TCTN1: variants seen among roughly 807,000 people sequenced by gnomAD.
TCTN1 encodes the protein tectonic family member 1.
A neutral mutation model predicts 65.8 loss-of-function variants in TCTN1; 58 were observed. The ratio of observed to expected loss-of-function variants is 0.88; its 90% confidence interval spans 0.71 to 1.10. TCTN1 has a LOEUF of 1.10. Among genes scored for constraint, TCTN1 ranks in the 50% least tolerant of loss-of-function variants. The probability of loss-of-function intolerance (pLI) is 0.00; values close to 1 mark genes in which losing one functional copy is unlikely to be tolerated. For missense variants in TCTN1, 645 were observed against 719.4 expected (o/e 0.90, Z 1.18); for synonymous variants, 273 against 289.1 (o/e 0.94, Z 0.57).
intron 2 of TCTN1, 43 bp downstream of exon 2, chr12:110,619,999 C>G (rs2065302255): frequency 2.5e-6 from 4 of 1,613,862 alleles, no homozygotes; most frequent in Non-Finnish European, 2.5e-6. Context: ...AAAATTTGAC[C>G]AGGATAATAC....
At chr12:110,645,299 C>T (rs774060273) in intron 12 of TCTN1, 170 bp downstream of exon 12, 232 of 807,114 alleles carry the variant, frequency 2.9e-4, no homozygotes, top group Non-Finnish European at 4.4e-4. Context: ...TTGCCTCTGG[C>T]CAGCAGTTTT....
intron 3 of TCTN1, chr12:110,627,743 C>A: frequency 2.2e-6 from 1 of 444,448 alleles, no homozygotes. Context: ...TGCATGAAAA[C>A]AGGATCTTTA....
intron 3 of TCTN1, 43 bp from the exon 4 acceptor site, chr12:110,628,724 A>G: frequency 6.7e-7 from 1 of 1,490,684 alleles, no homozygotes; most frequent in East Asian, 2.4e-5. Flanking sequence ...TATTATACAT[A>G]TATTTTATAC....
At chr12:110,621,541 C>T (rs1386041349) in intron 2 of TCTN1, among the ~76,000 whole-genome samples, 2 of 151,422 alleles carry the variant, frequency 1.3e-5, no homozygotes, top group Admixed American at 6.6e-5. Flanking sequence ...GCCTCCATCT[C>T]GGCTCACTGC....
intron 4 of TCTN1, chr12:110,629,212 A>G (rs2066059202): frequency 2.0e-6 from 1 of 490,784 alleles, no homozygotes; most frequent in East Asian, 3.2e-5. Flanking sequence ...AAAACAACCA[A>G]AAGCAATGGC....
chr12:110,619,954 C>A lies in TCTN1; in HGVS notation c.339C>A (p.Val113=). The change falls in exon 2 of 15, where the codon GTC becomes GTA. Residue 113 remains valine, a splice_region_variant and synonymous_variant. Transcript: ENST00000397659. ...TTTCTGCCTGCTCAGTTCCAGTTGT[C>A]ACGTAAGTTTACGTATGACACATGC... is the stretch of plus-strand genomic sequence containing the variant. ...SVFSACSVPV[V]TGDSQFCSQK... 6.2e-7 allele frequency: 1 copy of A among 1,614,122 alleles called. No individual in the cohort carries two copies. The highest frequency in any genetic ancestry group is 1.1e-5 in the South Asian group (1 of 91,062).
At chr12:110,635,653 C>G (rs1444969627) in intron 6 of TCTN1, 2 of 152,218 alleles carry the variant, frequency 1.3e-5, no homozygotes, top group African/African-American at 4.8e-5. Flanking sequence ...TCTAACAAAA[C>G]AAAACAACTG....
chr12:110,632,736 A>G (rs1271553158), intron 5 of TCTN1, 177 bp downstream of exon 5: 2 of 660,834 alleles, frequency 3.0e-6, no homozygotes, highest in African/African-American at 3.6e-5. Context: ...AACTAAAAAC[A>G]GAATCTTCGG....
chr12:110,625,210 G>C (rs901915940), intron 2 of TCTN1, among the ~76,000 whole-genome samples: 27 of 152,324 alleles, frequency 1.8e-4, no homozygotes, highest in African/African-American at 6.3e-4. Flanking sequence ...CTACGTTCTT[G>C]ACAAGATTTC....
At chr12:110,622,683 T>G (rs1593243423) in intron 2 of TCTN1, among the ~76,000 whole-genome samples, 1 of 149,802 alleles carries the variant, frequency 6.7e-6, no homozygotes, top group East Asian at 2.0e-4. Flanking sequence ...AGAAGAGGGG[T>G]GGGGTGAGAG....
Position 110,619,943 on chromosome 12 carries a change from G to T in TCTN1, c.328G>T (p.Val110Phe). ...VDFSVFSACS[V>F]PVVTGDSQFC... ...TTTCAGTGTCTTTTCTGCCTGCTCA[G>T]TTCCAGTTGTCACGTAAGTTTACGT... The change falls in exon 2 of 15, where the codon GTT (valine) becomes TTT (phenylalanine). Residue 110 changes from valine to phenylalanine, a missense_variant. Coordinates refer to ENST00000397659, the MANE Select transcript of TCTN1 (RefSeq NM_001082538.3). 1.2e-6 allele frequency: 2 copies of T among 1,614,068 alleles called. No homozygotes were observed. The highest frequency in any genetic ancestry group is 1.7e-6 in the Non-Finnish European group (2 of 1,180,032).
At chr12:110,642,426 G>A (rs773641414) in intron 11 of TCTN1, 37 bp downstream of exon 11, 5 of 1,613,932 alleles carry the variant, frequency 3.1e-6, no homozygotes, top group Non-Finnish European at 8.5e-7. Flanking sequence ...AACTTGTGCT[G>A]ATCAGAAAAC....
intron 4 of TCTN1, among the ~76,000 whole-genome samples, chr12:110,630,914 T>C (rs1012195092): frequency 6.6e-6 from 1 of 152,190 alleles, no homozygotes; most frequent in African/African-American, 2.4e-5. Flanking sequence ...TGAGAAAAAC[T>C]TAGGCACAGG....
Position 110,641,546 on chromosome 12 carries a change from A to AG in TCTN1, c.1109_1110insG (p.Asn370LysfsTer27). ...CATTTCTGCATTGTCTTTCAGGAAA[A>AG]TACCCAGCCAGTCCCTCTCAGTGGA... On this transcript the variant is annotated frameshift_variant, in exon 10 of 15. Transcript: ENST00000397659. LOFTEE classifies it high-confidence loss of function. 1 of 1,614,186 alleles carries AG rather than the reference A, an allele frequency of 6.2e-7. No individual in the cohort carries two copies. Among genetic ancestry groups the AG allele is most frequent in the Non-Finnish European group, 8.5e-7 (1 of 1,180,006 alleles).
rs922711370 is a variant in TCTN1, at chr12:110,615,119, A to G, written c.220+717A>G. Among the ~76,000 whole-genome samples, 136 of 152,202 alleles carry G rather than the reference A, an allele frequency of 8.9e-4. 4 individuals carry two copies. Among genetic ancestry groups the G allele is most frequent in the Admixed American group, 8.8e-3 (135 of 15,272 alleles). On this transcript the variant is annotated intron_variant, in intron 1 of 14. Transcript: ENST00000397659. ...CAGTCTGGTCAAAATGGCGAAACCC[A>G]GTCTCTACTAAAAATAGAAAAAATA...
At position 110,649,370 on chromosome 12, in the gene TCTN1, A is replaced by G. The variant is rs770046019; in HGVS notation, c.*329A>G. 3.9e-6 allele frequency: 6 copies of G among 1,542,524 alleles called. No individual in the cohort carries two copies. The Admixed American group carries it at 1.0e-4, about 26-fold the overall frequency. On this transcript the variant is annotated 3_prime_UTR_variant, in exon 15 of 15. Coordinates refer to ENST00000397659, the MANE Select transcript of TCTN1 (RefSeq NM_001082538.3). ...GTTCCTCTCGTGACAGCACAGGCCCATGAGACAGTGTCTTCTTTTTGAGGG... is the reference window on the plus strand; with the variant it reads ...GTTCCTCTCGTGACAGCACAGGCCCGTGAGACAGTGTCTTCTTTTTGAGGG...
chr12:110,636,525 TA>T, intron 7 of TCTN1, 24 bp downstream of exon 7: 1 of 1,237,414 alleles, frequency 8.1e-7, no homozygotes, highest in Non-Finnish European at 1.2e-6. Flanking sequence ...TTTATTTTTG[TA>T]ATAGAAAGTA....
At chr12:110,623,442 T>C (rs767543310) in intron 2 of TCTN1, among the ~76,000 whole-genome samples, 5 of 152,136 alleles carry the variant, frequency 3.3e-5, no homozygotes, top group Non-Finnish European at 7.4e-5. Flanking sequence ...ACAGTGTTGG[T>C]GAGAATGTAT....
chr12:110,642,089 A>C, intron 10 of TCTN1, 160 bp from the exon 11 acceptor site: 2 of 847,758 alleles, frequency 2.4e-6, no homozygotes, highest in Non-Finnish European at 1.9e-6. Flanking sequence ...GGAAAATAGA[A>C]CTGTTTTTTT....
Sources: gnomAD v4.1 joint callset for allele counts (sites outside exome capture counted in the v4.1 genomes callset) on GRCh38, gnomAD v4.1.1 for gene constraint, MANE v1.5 for transcripts, NCBI Gene and HGNC (gene_info 2026-07-23, HGNC 2026-07-21) for gene names.